DNAH7: variants seen among roughly 807,000 people sequenced by gnomAD.
DNAH7 encodes the protein dynein axonemal heavy chain 7, also known as axonemal beta dynein heavy chain 7.
In DNAH7, 397 loss-of-function variants were observed where a neutral mutation model predicts 444.6. The observed-to-expected ratio is 0.89, with a 90% CI of 0.82 to 0.97. The LOEUF is 0.97. DNAH7 is among the 50% of genes least tolerant of loss of function. The pLI is 0.00. For synonymous variants in DNAH7, 1,636 were observed against 1,624.4 expected (o/e 1.01, Z -0.17); for missense variants, 4,902 against 4,800.8 (o/e 1.02, Z -0.62).
chr2:195,956,911 T>A (rs1001027057), intron 19 of DNAH7, among the ~76,000 whole-genome samples: 48 of 152,116 alleles, frequency 3.2e-4, no homozygotes, highest in African/African-American at 1.2e-3. Flanking sequence ...CACAGTGAGT[T>A]TCAGTGGGTT....
rs1046919726 is a variant in DNAH7 at position 195,888,874 on chromosome 2, C to T, written c.5154G>A (p.Gly1718=). ...TTTGTGGTGACATCTGAATAATCTC[C>T]CCACTCATCAGACATAGCTTCTTGT... ...DDNKKLCLMS[G]EIIQMSPQMN... The change falls in exon 32 of 65, where the codon GGG becomes GGA. Residue 1718 remains glycine, a synonymous_variant. Transcript: ENST00000312428. 6.2e-7 allele frequency: 1 copy of T among 1,613,928 alleles called. No individual in the cohort carries two copies. The highest frequency in any genetic ancestry group is 2.2e-5 in the East Asian group (1 of 44,852).
intron 20 of DNAH7, 85 bp downstream of exon 20, chr2:195,936,514 T>C (rs1689062023): frequency 7.3e-6 from 6 of 820,794 alleles, no homozygotes; most frequent in East Asian, 3.0e-5. Flanking sequence ...TAAACATGAT[T>C]ATATATATTT....
intron 8 of DNAH7, among the ~76,000 whole-genome samples, chr2:196,022,469 TTTCAGTG>T (rs1402131558): frequency 6.6e-6 from 1 of 152,228 alleles, no homozygotes; most frequent in Non-Finnish European, 1.5e-5. Context: ...TTTGTTGTCA[TTTCAGTG>T]TTCACAGCAT....
At chr2:196,063,547 A>G (rs1468112999) in intron 1 of DNAH7, 2 of 152,208 alleles carry the variant, frequency 1.3e-5, no homozygotes, top group Non-Finnish European at 2.9e-5. Flanking sequence ...GATCCTCTCC[A>G]TGGTCTTTCA....
chr2:196,052,807 T>C (rs1697559109), intron 2 of DNAH7, among the ~76,000 whole-genome samples: 1 of 152,226 alleles, frequency 6.6e-6, no homozygotes, highest in South Asian at 2.1e-4. Context: ...AAGAGCTTAC[T>C]GAAGTCAGAG....
intron 63 of DNAH7, among the ~76,000 whole-genome samples, chr2:195,743,447 T>C (rs1693174236): frequency 6.8e-6 from 1 of 147,688 alleles, no homozygotes; most frequent in African/African-American, 2.5e-5. Context: ...CTGTAGCCTT[T>C]AGGTGCCCCT....
chr2:195,767,135 C>G (rs961064435), intron 61 of DNAH7, among the ~76,000 whole-genome samples: 1 of 151,986 alleles, frequency 6.6e-6, no homozygotes, highest in African/African-American at 2.4e-5. Flanking sequence ...TATCTGTTCA[C>G]TCTAATTTAA....
At chr2:195,879,587 A>G (rs1559177005) in intron 36 of DNAH7, among the ~76,000 whole-genome samples, 1 of 152,166 alleles carries the variant, frequency 6.6e-6, no homozygotes, top group African/African-American at 2.4e-5. Flanking sequence ...TTATAATACT[A>G]CCGCAGATAA....
intron 40 of DNAH7, among the ~76,000 whole-genome samples, chr2:195,871,148 G>A (rs1457369062): frequency 6.6e-6 from 1 of 152,086 alleles, no homozygotes; most frequent in Non-Finnish European, 1.5e-5. Flanking sequence ...TCTTCACGTG[G>A]ACATATATTT....
intron 1 of DNAH7, among the ~76,000 whole-genome samples, chr2:196,062,104 C>A (rs1698164132): frequency 1.3e-5 from 2 of 152,190 alleles, no homozygotes; most frequent in Admixed American, 1.3e-4. Flanking sequence ...CTTGTGAAAT[C>A]TTGCTTTTAA....
chr2:195,788,663 T>C (rs1167851742), intron 57 of DNAH7, among the ~76,000 whole-genome samples: 1 of 152,192 alleles, frequency 6.6e-6, no homozygotes, highest in Non-Finnish European at 1.5e-5. Flanking sequence ...TATTAGAGAA[T>C]TGAGCAAATC....
chr2:196,015,915 A>G (rs1171029252), intron 9 of DNAH7, among the ~76,000 whole-genome samples: 1 of 152,224 alleles, frequency 6.6e-6, no homozygotes, highest in East Asian at 1.9e-4. Flanking sequence ...TTCAAAGGCA[A>G]CATAGGAGCT....
At chr2:196,056,003 T>C (rs974218570) in intron 2 of DNAH7, among the ~76,000 whole-genome samples, 1 of 152,334 alleles carries the variant, frequency 6.6e-6, no homozygotes. Context: ...ATTTTACAAA[T>C]AGTGCTTCTC....
chr2:195,775,387 G>T (rs1268908147), intron 60 of DNAH7, among the ~76,000 whole-genome samples: 1 of 152,160 alleles, frequency 6.6e-6, no homozygotes, highest in East Asian at 1.9e-4. Flanking sequence ...GAATGAAACT[G>T]TGTCCATGTA....
intron 17 of DNAH7, among the ~76,000 whole-genome samples, chr2:195,963,371 A>T (rs1691243469): frequency 1.3e-5 from 2 of 152,176 alleles, no homozygotes; most frequent in Admixed American, 1.3e-4. Context: ...ATGATGTTGA[A>T]CACCTTTCCA....
At chr2:196,028,434 C>G (rs1695827779) in intron 5 of DNAH7, among the ~76,000 whole-genome samples, 2 of 152,124 alleles carry the variant, frequency 1.3e-5, no homozygotes, top group Admixed American at 1.3e-4. Flanking sequence ...ATGGAAAGTA[C>G]TTTAAACACA....
At chr2:195,875,915 T>A in intron 37 of DNAH7, 72 bp from the exon 38 acceptor site, 1 of 1,366,988 alleles carries the variant, frequency 7.3e-7, no homozygotes, top group Non-Finnish European at 9.9e-7. Context: ...GTAAACAATA[T>A]TGAGGCAAAT....
At chr2:196,035,297 A>G (rs879531774) in intron 5 of DNAH7, among the ~76,000 whole-genome samples, 3 of 152,240 alleles carry the variant, frequency 2.0e-5, no homozygotes, top group Non-Finnish European at 4.4e-5. Context: ...AAAATTGATA[A>G]ATTATATTTT....
chr2:196,040,994 T>C (rs1394274622), intron 5 of DNAH7, among the ~76,000 whole-genome samples: 1 of 151,754 alleles, frequency 6.6e-6, no homozygotes, highest in African/African-American at 2.4e-5. Flanking sequence ...AGGAAGAAAT[T>C]TAATCAAAAA....
Sources: gnomAD v4.1 joint callset for allele counts (sites outside exome capture counted in the v4.1 genomes callset) on GRCh38, gnomAD v4.1.1 for gene constraint, MANE v1.5 for transcripts, NCBI Gene and HGNC (gene_info 2026-07-23, HGNC 2026-07-21) for gene names.